PCDH15: variants seen among roughly 807,000 people sequenced by gnomAD.
PCDH15 encodes the protein protocadherin related 15, also known as protocadherin-15.
Under a neutral mutation model 178.5 loss-of-function variants are expected in PCDH15, and 129 were observed. The observed-to-expected ratio is 0.72, with a 90% confidence interval of 0.63 to 0.84. The LOEUF (loss-of-function observed/expected upper bound fraction) is 0.84. Ranked by LOEUF, PCDH15 falls within the 40% of genes least tolerant of loss-of-function variation. The pLI is 0.00. For missense variants in PCDH15, 2,230 were observed against 2,099.9 expected (o/e 1.06, Z -1.21); for synonymous variants, 800 against 732.0 (o/e 1.09, Z -1.50).
chr10:54,928,777 G>A (rs1395338631), intron 2 of PCDH15, among the ~76,000 whole-genome samples: 1 of 152,078 alleles, frequency 6.6e-6, no homozygotes, highest in East Asian at 1.9e-4. Flanking sequence ...TACTCTACCA[G>A]GTTGATTATG....
rs1842871552 is a variant in PCDH15 at position 55,286,433 on chromosome 10, T to C, written c.-156+33166A>G. 3.3e-5 allele frequency among the ~76,000 whole-genome samples: 5 copies of C among 151,944 alleles called. No individual in the cohort carries two copies. The South Asian group carries it at 6.2e-4, about 19-fold the overall frequency. On this transcript the variant is annotated intron_variant, in intron 1 of 5. Coordinates refer to the PCDH15 transcript ENST00000458638. ...CTTTGCAGTACATAAGTTATTGTAA[T>C]ACAGAGTTTAACTTTATAATGAAAA...
intron 23 of PCDH15, among the ~76,000 whole-genome samples, chr10:53,950,849 T>C (rs956412936): frequency 1.3e-5 from 2 of 152,210 alleles, no homozygotes; most frequent in Non-Finnish European, 1.5e-5. Context: ...GTAACTAATT[T>C]CTAAAATATA....
At chr10:54,736,108 A>G (rs1449009508) in intron 1 of PCDH15, among the ~76,000 whole-genome samples, 1 of 152,010 alleles carries the variant, frequency 6.6e-6, no homozygotes, top group East Asian at 1.9e-4. Flanking sequence ...CCTCTTGAGC[A>G]CTTAGAAGCT....
At chr10:54,316,860 CA>C (rs2061308796) in intron 8 of PCDH15, among the ~76,000 whole-genome samples, 1 of 152,102 alleles carries the variant, frequency 6.6e-6, no homozygotes, top group South Asian at 2.1e-4. Flanking sequence ...ACATAATCTC[CA>C]ATAACATTTC....
At chr10:54,163,696 G>A (rs1268500433) in intron 13 of PCDH15, among the ~76,000 whole-genome samples, 1 of 152,102 alleles carries the variant, frequency 6.6e-6, no homozygotes, top group Admixed American at 6.6e-5. Context: ...ACTGAATCAA[G>A]TAGAGATGGC....
At chr10:54,723,437 T>C (rs1941975325) in intron 1 of PCDH15, among the ~76,000 whole-genome samples, 1 of 151,688 alleles carries the variant, frequency 6.6e-6, no homozygotes, top group South Asian at 2.1e-4. Context: ...CCAGAAACTA[T>C]AAAATCCTAC....
chr10:53,811,530 TA>T lies in PCDH15; in HGVS notation c.4562+18del. On this transcript the variant is annotated intron_variant, in intron 36 of 37. Transcript: ENST00000644397. ...AATATTAAAATAAGAATCTGAATTT[TA>T]AAAATCTGAAGATGTACCCATGCTC... 3 of 1,417,952 alleles carry T rather than the reference TA, an allele frequency of 2.1e-6. No individual in the cohort carries two copies. Among genetic ancestry groups the T allele is most frequent in the Non-Finnish European group, 2.8e-6 (3 of 1,057,074 alleles). The allele number at this position is 1,417,952 out of a possible 1,614,324, so 87.8% of individuals were successfully genotyped here. A position where few individuals can be genotyped will look rare whatever the true frequency, so the allele number is the denominator to read the frequency against.
chr10:53,993,682 T>C (rs2091669472), intron 21 of PCDH15, among the ~76,000 whole-genome samples: 1 of 152,186 alleles, frequency 6.6e-6, no homozygotes, highest in Non-Finnish European at 1.5e-5. Context: ...TGTAATATAG[T>C]AATTTCAAAA....
chr10:55,625,638 C>G (rs2132176504), intron 2 of PCDH15, among the ~76,000 whole-genome samples: 1 of 152,258 alleles, frequency 6.6e-6, no homozygotes, highest in Non-Finnish European at 1.5e-5. Context: ...CAAATGAGAT[C>G]TGTTCTTCCC....
chr10:55,598,436 T>A (rs779727382), intron 2 of PCDH15, among the ~76,000 whole-genome samples: 10 of 148,688 alleles, frequency 6.7e-5, no homozygotes, highest in Non-Finnish European at 1.5e-4. Flanking sequence ...AGGAGCCGGT[T>A]CTATAATTGA....
chr10:55,333,736 G>A (rs1320451872), intron 2 of PCDH15, among the ~76,000 whole-genome samples: 1 of 151,788 alleles, frequency 6.6e-6, no homozygotes, highest in Non-Finnish European at 1.5e-5. Context: ...GAACAGGAAC[G>A]TTGGAATTTC....
chr10:53,979,560 T>C (rs912706529), intron 21 of PCDH15, among the ~76,000 whole-genome samples: 1 of 152,208 alleles, frequency 6.6e-6, no homozygotes, highest in Non-Finnish European at 1.5e-5. Context: ...AAATATCTGC[T>C]AATTTTCGCA....
intron 2 of PCDH15, among the ~76,000 whole-genome samples, chr10:55,431,445 A>G (rs1364882163): frequency 6.6e-6 from 1 of 152,162 alleles, no homozygotes; most frequent in African/African-American, 2.4e-5. Flanking sequence ...TAAAAATTAC[A>G]TCTGTGAGCT....
chr10:55,366,922 C>CGTGTGT (rs34339947), intron 2 of PCDH15, among the ~76,000 whole-genome samples: 5,497 of 150,136 alleles, frequency 0.037, 141 homozygotes, highest in African/African-American at 0.074. Flanking sequence ...CATTTGTTTG[C>CGTGTGT]GTGTGTGTGT....
At chr10:54,295,941 G>A (rs7078808) in intron 8 of PCDH15, among the ~76,000 whole-genome samples, 30,201 of 151,080 alleles carry the variant, frequency 0.2, 3,134 homozygotes, top group Admixed American at 0.23. Flanking sequence ...TCAGGAGATC[G>A]AGACCATCCC....
At chr10:54,030,265 GCT>G (rs2093254578) in intron 18 of PCDH15, among the ~76,000 whole-genome samples, 1 of 151,894 alleles carries the variant, frequency 6.6e-6, no homozygotes, top group Non-Finnish European at 1.5e-5. Flanking sequence ...AACCATAAAA[GCT>G]GTTGATCAGG....
chr10:54,304,804 T>G (rs751695801), intron 8 of PCDH15, among the ~76,000 whole-genome samples: 17 of 152,042 alleles, frequency 1.1e-4, no homozygotes, highest in Admixed American at 5.9e-4. Context: ...GAAAGCATCA[T>G]GAACTAACAT....
At chr10:54,769,248 GTCACTGC>G (rs1948828753) in intron 1 of PCDH15, among the ~76,000 whole-genome samples, 2 of 151,448 alleles carry the variant, frequency 1.3e-5, no homozygotes, top group Admixed American at 6.6e-5. Context: ...GCGACCTGGT[GTCACTGC>G]TCACTCCAGG....
Position 54,705,397 on chromosome 10 carries a change from T to C in PCDH15, c.-28-41107A>G, listed in dbSNP as rs146747170. 2.2e-3 allele frequency among the ~76,000 whole-genome samples: 331 copies of C among 152,270 alleles called. 1 individual carries two copies. Among genetic ancestry groups the C allele is most frequent in the Admixed American group, 0.019 (284 of 15,280 alleles). On this transcript the variant is annotated intron_variant, in intron 1 of 37. Coordinates refer to ENST00000644397, the MANE Select transcript of PCDH15 (RefSeq NM_001384140.1). Reference sequence around the variant, plus strand: ...GAATGTGGTAGAGATATAATTAATATAATTGAAAGAATAGTTAGAATGCCT... The same window carrying C: ...GAATGTGGTAGAGATATAATTAATACAATTGAAAGAATAGTTAGAATGCCT...
Sources: gnomAD v4.1 joint callset for allele counts (sites outside exome capture counted in the v4.1 genomes callset) on GRCh38, gnomAD v4.1.1 for gene constraint, MANE v1.5 for transcripts, NCBI Gene and HGNC (gene_info 2026-07-23, HGNC 2026-07-21) for gene names.